MEGF11: variants seen among roughly 807,000 people sequenced by gnomAD.
The protein encoded by MEGF11 is multiple EGF like domains 11, also known as multiple epidermal growth factor-like domains protein 11.
Under a neutral mutation model 146.6 loss-of-function variants are expected in MEGF11, and 126 were observed. The observed-to-expected ratio is 0.86, with a 90% confidence interval of 0.74 to 1.00. The LOEUF is 1.00. Among genes scored for constraint, MEGF11 ranks in the 50% least tolerant of loss-of-function variants. The pLI is 0.00. For missense variants in MEGF11, 1,509 were observed against 1,521.2 expected (o/e 0.99, Z 0.13); for synonymous variants, 532 against 583.4 (o/e 0.91, Z 1.27).
chr15:66,196,899 G>GT (rs1406729650), intron 1 of MEGF11, among the ~76,000 whole-genome samples: 1 of 152,192 alleles, frequency 6.6e-6, no homozygotes, highest in African/African-American at 2.4e-5. Flanking sequence ...TTTGCTAACA[G>GT]TAAGTCCTTA....
At chr15:66,042,442 T>C (rs1184883408) in intron 5 of MEGF11, among the ~76,000 whole-genome samples, 2 of 152,056 alleles carry the variant, frequency 1.3e-5, no homozygotes, top group African/African-American at 4.8e-5. Flanking sequence ...CCAGGGGACG[T>C]CAGAGCTGTG....
At chr15:66,098,694 A>G (rs2086654164) in intron 4 of MEGF11, among the ~76,000 whole-genome samples, 1 of 152,172 alleles carries the variant, frequency 6.6e-6, no homozygotes, top group African/African-American at 2.4e-5. Context: ...GAGGTCTCAG[A>G]TCAGGCTGTC....
chr15:66,158,004 C>G (rs538025510), intron 1 of MEGF11, among the ~76,000 whole-genome samples: 1 of 152,190 alleles, frequency 6.6e-6, no homozygotes, highest in Admixed American at 6.5e-5. Context: ...CCCGCTGTTG[C>G]CCCTTGAAAT....
chr15:65,920,882 G>A (rs1324898492), intron 15 of MEGF11, among the ~76,000 whole-genome samples: 3 of 152,146 alleles, frequency 2.0e-5, no homozygotes, highest in African/African-American at 7.2e-5. Context: ...ATCAGACAAC[G>A]CAGCATCTGA....
chr15:66,097,245 T>A lies in MEGF11; in HGVS notation c.302-2751A>T, dbSNP rs1405225704. 2.0e-5 allele frequency among the ~76,000 whole-genome samples: 3 copies of A among 152,288 alleles called. No individual in the cohort carries two copies. The East Asian group carries it at 5.8e-4, about 29-fold the overall frequency. ...CGTATTTGGCAATTGGGCCACCGCG[T>A]GTTTGGACACCTGGTGGGGAGGGGC... On this transcript the variant is annotated intron_variant, in intron 4 of 25. Coordinates refer to ENST00000395614, the MANE Select transcript of MEGF11 (RefSeq NM_001385028.1).
chr15:66,040,065 C>T (rs555719415), intron 5 of MEGF11, among the ~76,000 whole-genome samples: 5 of 152,220 alleles, frequency 3.3e-5, no homozygotes, highest in East Asian at 1.9e-4. Context: ...TTACAGTGTC[C>T]GAACTGCTGG....
chr15:66,029,152 C>G (rs2083434665), intron 5 of MEGF11, among the ~76,000 whole-genome samples: 1 of 151,200 alleles, frequency 6.6e-6, no homozygotes, highest in Non-Finnish European at 1.5e-5. Flanking sequence ...AACAGAATTG[C>G]CTTGTTTTTT....
chr15:65,989,052 A>G (rs60045428), intron 5 of MEGF11, among the ~76,000 whole-genome samples: 4,411 of 152,258 alleles, frequency 0.029, 222 homozygotes, highest in African/African-American at 0.1. Flanking sequence ...AGATCTACCC[A>G]TGGCCATTCC....
At chr15:66,228,706 TTCC>T (rs1262190387) in intron 1 of MEGF11, among the ~76,000 whole-genome samples, 8 of 152,176 alleles carry the variant, frequency 5.3e-5, no homozygotes, top group African/African-American at 1.9e-4. Flanking sequence ...GCTGGATGGT[TTCC>T]ACGTGTTTCT....
intron 4 of MEGF11, among the ~76,000 whole-genome samples, chr15:66,118,736 T>C (rs867245238): frequency 1.1e-4 from 17 of 152,202 alleles, no homozygotes; most frequent in African/African-American, 3.1e-4. Context: ...CTTGAGCACC[T>C]GCACATCTTA....
intron 5 of MEGF11, among the ~76,000 whole-genome samples, chr15:66,006,305 A>G (rs1041867277): frequency 1.3e-5 from 2 of 152,168 alleles, no homozygotes; most frequent in African/African-American, 4.8e-5. Flanking sequence ...CTAATGTTTT[A>G]TGCACCTAGG....
chr15:65,945,656 T>G (rs1448627234), intron 10 of MEGF11, among the ~76,000 whole-genome samples: 3 of 152,150 alleles, frequency 2.0e-5, no homozygotes, highest in South Asian at 2.1e-4. Context: ...GTGATACGGA[T>G]GGACAGCGTG....
At position 65,913,391 on chromosome 15, in the gene MEGF11, A is replaced by G. The variant is rs1220109388; in HGVS notation, c.2710+346T>C. ...CCAAGGTCTAGCCTCCTGAGGTGGT[A>G]CAGGCATCAGGTTGGGGAGACAGTC... On this transcript the variant is annotated intron_variant, in intron 20 of 25. Transcript: ENST00000395614. The G allele has an allele frequency of 1.3e-5, 5 of 377,938 alleles. No individual in the cohort carries two copies. The East Asian group carries it at 2.4e-4, about 18-fold the overall frequency. 23.4% of individuals were successfully genotyped at this position (377,938 alleles called of 1,614,324 possible).
At chr15:65,928,997 C>A (rs1284070281) in intron 12 of MEGF11, among the ~76,000 whole-genome samples, 1 of 152,142 alleles carries the variant, frequency 6.6e-6, no homozygotes, top group African/African-American at 2.4e-5. Flanking sequence ...TCAAGAGCCT[C>A]ATATACTTAA....
At chr15:66,021,570 G>GA (rs762896595) in intron 5 of MEGF11, among the ~76,000 whole-genome samples, 77 of 152,360 alleles carry the variant, frequency 5.1e-4, no homozygotes, top group South Asian at 1.0e-3. Context: ...TTCTGGCTCT[G>GA]AAAATCTGTG....
intron 5 of MEGF11, among the ~76,000 whole-genome samples, chr15:66,049,185 C>A (rs2084352120): frequency 6.6e-6 from 1 of 152,248 alleles, no homozygotes; most frequent in East Asian, 1.9e-4. Flanking sequence ...ATTTCCTGGA[C>A]TGACTGCAAA....
At chr15:66,033,825 C>A (rs1034562247) in intron 5 of MEGF11, among the ~76,000 whole-genome samples, 3 of 151,958 alleles carry the variant, frequency 2.0e-5, no homozygotes, top group Non-Finnish European at 4.4e-5. Flanking sequence ...GGAGTCTCGC[C>A]CTGTTGCCCA....
intron 10 of MEGF11, among the ~76,000 whole-genome samples, chr15:65,945,110 G>A (rs916235676): frequency 2.9e-4 from 44 of 152,284 alleles, no homozygotes; most frequent in Non-Finnish European, 5.9e-4. Flanking sequence ...TGGCTAGGCT[G>A]GTCTCGAACT....
At chr15:66,017,690 G>T (rs980173966) in intron 5 of MEGF11, among the ~76,000 whole-genome samples, 1 of 152,214 alleles carries the variant, frequency 6.6e-6, no homozygotes, top group Non-Finnish European at 1.5e-5. Context: ...AGGGGTCTGA[G>T]AAGCCGAAGC....
Sources: gnomAD v4.1 joint callset for allele counts (sites outside exome capture counted in the v4.1 genomes callset) on GRCh38, gnomAD v4.1.1 for gene constraint, MANE v1.5 for transcripts, NCBI Gene and HGNC (gene_info 2026-07-23, HGNC 2026-07-21) for gene names.